The following GPR61 variants were observed in gnomAD, a reference collection of about 807,000 sequenced individuals.
GPR61 encodes G-protein coupled receptor 61.
GPR61 carries 15 observed loss-of-function variants against 29.2 expected under a neutral mutation model. The observed-to-expected ratio is 0.51, with a 90% CI of 0.34 to 0.79. The LOEUF is 0.79. Ranked by LOEUF, GPR61 falls within the 30% of genes least tolerant of loss-of-function variation. The pLI is 0.01. For synonymous variants in GPR61, 238 were observed against 242.3 expected (o/e 0.98, Z 0.17); for missense variants, 399 against 582.5 (o/e 0.69, Z 3.24).
Position 109,545,583 on chromosome 1 carries a change from T to C in GPR61, c.*1205T>C, listed in dbSNP as rs1011711863. On this transcript the variant is annotated 3_prime_UTR_variant, in exon 2 of 2. Coordinates refer to ENST00000527748, the MANE Select transcript of GPR61 (RefSeq NM_001393907.1). ...ACTGTAGGAACTGTGTTGGTTGGTA[T>C]TGGTGGTGGTATTTTCAACAAACAG... 6.6e-6 allele frequency: 1 copy of C among 152,184 alleles called. No homozygotes were observed. Among genetic ancestry groups the C allele is most frequent in the African/African-American group, 2.4e-5 (1 of 41,432 alleles). The allele number at this position is 152,184 out of a possible 1,614,324, so 9.4% of individuals were successfully genotyped here. A position where few individuals can be genotyped will look rare whatever the true frequency, so the allele number is the denominator to read the frequency against.
Position 109,547,053 on chromosome 1 carries a change from G to A in GPR61, c.*2675G>A, listed in dbSNP as rs1321803038. ...TATCCTACGGGGGCATGATAGAAAAGGGTAACTCTGGGGTCAGATAGATGT... is the reference window on the plus strand; with the variant it reads ...TATCCTACGGGGGCATGATAGAAAAAGGTAACTCTGGGGTCAGATAGATGT... On this transcript the variant is annotated 3_prime_UTR_variant, in exon 2 of 2. Transcript: ENST00000527748. The A allele has an allele frequency of 6.6e-6, 1 of 152,196 alleles. No homozygotes were observed. Among genetic ancestry groups the A allele is most frequent in the African/African-American group, 2.4e-5 (1 of 41,440 alleles). 9.4% of individuals were successfully genotyped at this position (152,196 alleles called of 1,614,324 possible).
At position 109,546,756 on chromosome 1, in the gene GPR61, C is replaced by A. The variant is rs976481274; in HGVS notation, c.*2378C>A. 6.6e-6 allele frequency: 1 copy of A among 152,148 alleles called. No individual in the cohort carries two copies. Among genetic ancestry groups the A allele is most frequent in the African/African-American group, 2.4e-5 (1 of 41,430 alleles). 9.4% of individuals were successfully genotyped at this position (152,148 alleles called of 1,614,324 possible). A position where few individuals can be genotyped will look rare whatever the true frequency, so the allele number is the denominator to read the frequency against. On this transcript the variant is annotated 3_prime_UTR_variant, in exon 2 of 2. Coordinates refer to ENST00000527748, the MANE Select transcript of GPR61 (RefSeq NM_001393907.1). Reference sequence around the variant, plus strand: ...TGGATCATGAAGGAAATAAAAATTTCTCTTTTATTATGCTGAGAACTTTCC... The same window carrying A: ...TGGATCATGAAGGAAATAAAAATTTATCTTTTATTATGCTGAGAACTTTCC...
chr1:109,541,125 G>A (rs1647630510), intron 1 of GPR61, among the ~76,000 whole-genome samples: 1 of 152,194 alleles, frequency 6.6e-6, no homozygotes, highest in African/African-American at 2.4e-5. Context: ...TTTCCTGGTA[G>A]ACTCTAATGA....
At chr1:109,542,370 C>T (rs1163560799) in intron 1 of GPR61, 52 bp from the exon 2 acceptor site, 1 of 281,538 alleles carries the variant, frequency 3.6e-6, no homozygotes, top group African/African-American at 2.2e-5. Context: ...ACAAATCACG[C>T]AGGATCCAGA....
Position 109,547,093 on chromosome 1 carries a change from T to C in GPR61, c.*2715T>C, listed in dbSNP as rs1392427355. 6.6e-6 allele frequency: 1 copy of C among 152,226 alleles called. No individual in the cohort carries two copies. Among genetic ancestry groups the C allele is most frequent in the African/African-American group, 2.4e-5 (1 of 41,446 alleles). 9.4% of individuals were successfully genotyped at this position (152,226 alleles called of 1,614,324 possible). ...CAGATAGATGTACTTACTCACTGTGTGAAGTTGGGAAAGCTGCTTAATTTC... is the reference window on the plus strand; with the variant it reads ...CAGATAGATGTACTTACTCACTGTGCGAAGTTGGGAAAGCTGCTTAATTTC... On this transcript the variant is annotated 3_prime_UTR_variant, in exon 2 of 2. Transcript: ENST00000527748.
In GPR61 at chr1:109,543,334, CTT is replaced by C; in HGVS notation, c.314_315del (p.Phe105Ter). The part of the protein sequence containing the change: ...PLAMLSSSAL[F>X]DHALFGEVAC... ...TGGCCATGCTCTCCAGCTCTGCCCT[CTT>C]TGACCACGCCCTCTTTGGGGAGGTG... On this transcript the variant is annotated frameshift_variant, in exon 2 of 2. Transcript: ENST00000527748. LOFTEE classifies it high-confidence loss of function. This position sits in a 1 kb window ranked among gnomAD's most constrained non-coding sequence, Gnocchi z 6.8. 6.2e-7 allele frequency: 1 copy of C among 1,613,856 alleles called. No individual in the cohort carries two copies. Among genetic ancestry groups the C allele is most frequent in the Non-Finnish European group, 8.5e-7 (1 of 1,180,018 alleles).
rs1453142248 is a variant in GPR61, at chr1:109,545,550, T to C, written c.*1172T>C. 6.6e-6 allele frequency: 1 copy of C among 152,264 alleles called. No individual in the cohort carries two copies. Among genetic ancestry groups the C allele is most frequent in the Non-Finnish European group, 1.5e-5 (1 of 68,070 alleles). 9.4% of individuals were successfully genotyped at this position (152,264 alleles called of 1,614,324 possible). Reference sequence around the variant, plus strand: ...ACGGGAGTTGGTCTTGGCTGTTCATTGATTGAGACTGTAGGAACTGTGTTG... The same window carrying C: ...ACGGGAGTTGGTCTTGGCTGTTCATCGATTGAGACTGTAGGAACTGTGTTG... On this transcript the variant is annotated 3_prime_UTR_variant, in exon 2 of 2. Coordinates refer to ENST00000527748, the MANE Select transcript of GPR61 (RefSeq NM_001393907.1).
In GPR61 at chr1:109,544,045, T is replaced by C. The variant is rs762458455; in HGVS notation, c.1023T>C (p.Tyr341=). Residue 341 remains tyrosine, a synonymous_variant, in exon 2 of 2, where the codon TAT becomes TAC. Transcript: ENST00000527748. The surrounding 1 kb of genome is among the most constrained non-coding windows in gnomAD (Gnocchi z 4.6). The part of the protein sequence containing the change: ...YFCFTSNPFF[Y]GCLNRQIRGE... ...GCTTCACTTCCAACCCTTTCTTCTA[T>C]GGATGTCTCAACCGGCAGATCCGGG... 7.4e-6 allele frequency: 12 copies of C among 1,614,246 alleles called. No individual in the cohort carries two copies. The South Asian group carries it at 1.2e-4, about 16-fold the overall frequency.
At position 109,545,750 on chromosome 1, in the gene GPR61, T is replaced by G. The variant is rs1369377328; in HGVS notation, c.*1372T>G. 6.6e-6 allele frequency: 1 copy of G among 152,214 alleles called. No individual in the cohort carries two copies. Among genetic ancestry groups the G allele is most frequent in the Non-Finnish European group, 1.5e-5 (1 of 68,036 alleles). 9.4% of individuals were successfully genotyped at this position (152,214 alleles called of 1,614,324 possible). A position where few individuals can be genotyped will look rare whatever the true frequency, so the allele number is the denominator to read the frequency against. On this transcript the variant is annotated 3_prime_UTR_variant, in exon 2 of 2. Transcript: ENST00000527748. ...CTATTTGAACAAATTCCTGGCTCACTGAGCATCAAAAGGGGAAATGGGCTG... is the reference window on the plus strand; with the variant it reads ...CTATTTGAACAAATTCCTGGCTCACGGAGCATCAAAAGGGGAAATGGGCTG...
In GPR61 at chr1:109,543,895, T is replaced by C; in HGVS notation, c.873T>C (p.Ala291=). 2 of 1,613,740 alleles carry C rather than the reference T, an allele frequency of 1.2e-6. No individual in the cohort carries two copies. The highest frequency in any genetic ancestry group is 1.7e-6 in the Non-Finnish European group (2 of 1,180,022). ...GGGKAAVVLL[A]VGGQFLLCWL... ...GGAAAGCAGCAGTGGTTCTCCTGGC[T>C]GTGGGGGGACAGTTCCTGCTCTGTT... Residue 291 remains alanine (A), a synonymous_variant, in exon 2 of 2, where the codon GCT becomes GCC. Transcript: ENST00000527748. The surrounding 1 kb of genome is among the most constrained non-coding windows in gnomAD (Gnocchi z 6.8).
chr1:109,543,027 A>T lies in GPR61; in HGVS notation c.5A>T (p.Glu2Val). 9 of 1,544,530 alleles carry T rather than the reference A, an allele frequency of 5.8e-6. No homozygotes were observed. The highest frequency in any genetic ancestry group is 7.9e-6 in the Non-Finnish European group (9 of 1,144,162). Residue 2 changes from glutamate to valine, a missense_variant, in exon 2 of 2, where the codon GAG (glutamate) becomes GTG (valine). Coordinates refer to ENST00000527748, the MANE Select transcript of GPR61 (RefSeq NM_001393907.1). This position sits in a 1 kb window ranked among gnomAD's most constrained non-coding sequence, Gnocchi z 6.8. Reference protein sequence around the residue: MESSPIPQSSGN... With the variant: MVSSPIPQSSGN... ...TGGGTGCCCTCTTTCGGCCCCATGG[A>T]GTCCTCACCCATCCCCCAGTCATCA...
chr1:109,544,319 G>A lies in GPR61; in HGVS notation c.1297G>A (p.Asp433Asn), dbSNP rs371734245. ...SEFLEQQLTS[D>N]IIMSDSYLRP... is the part of the protein sequence containing the mutation. ...GTTCCTGGAGCAGCAACTCACCAGC[G>A]ACATCATCATGTCAGACAGCTACCT... The change falls in exon 2 of 2, where the codon GAC becomes AAC. Residue 433 changes from aspartate (D) to asparagine (N), a missense_variant. Coordinates refer to ENST00000527748, the MANE Select transcript of GPR61 (RefSeq NM_001393907.1). This position sits in a 1 kb window ranked among gnomAD's most constrained non-coding sequence, Gnocchi z 4.6. 3.1e-5 allele frequency: 50 copies of A among 1,613,706 alleles called. No individual in the cohort carries two copies. The African/African-American group carries it at 6.0e-4, about 19-fold the overall frequency.
intron 1 of GPR61, among the ~76,000 whole-genome samples, chr1:109,541,048 GATAGGTAAATC>G (rs1647629376): frequency 6.6e-6 from 1 of 152,200 alleles, no homozygotes; most frequent in Admixed American, 6.5e-5. Flanking sequence ...AGACAGAAGG[GATAGGTAAATC>G]AGAGCATGGA....
rs113116974 is a variant in GPR61, at chr1:109,545,555, G to A, written c.*1177G>A. 1 of 152,378 alleles carries A rather than the reference G, an allele frequency of 6.6e-6. No individual in the cohort carries two copies. The highest frequency in any genetic ancestry group is 1.5e-5 in the Non-Finnish European group (1 of 68,058). The allele number at this position is 152,378 out of a possible 1,614,324, so 9.4% of individuals were successfully genotyped here. A position where few individuals can be genotyped will look rare whatever the true frequency, so the allele number is the denominator to read the frequency against. ...AGTTGGTCTTGGCTGTTCATTGATT[G>A]AGACTGTAGGAACTGTGTTGGTTGG... On this transcript the variant is annotated 3_prime_UTR_variant, in exon 2 of 2. Transcript: ENST00000527748.
At position 109,544,606 on chromosome 1, in the gene GPR61, G is replaced by C; in HGVS notation, c.*228G>C. On this transcript the variant is annotated 3_prime_UTR_variant, in exon 2 of 2. Coordinates refer to ENST00000527748, the MANE Select transcript of GPR61 (RefSeq NM_001393907.1). This position sits in a 1 kb window ranked among gnomAD's most constrained non-coding sequence, Gnocchi z 4.6. ...CTGCTAGGGGAGGGAACCTGGGTAT[G>C]GTGAGACGGTGACGAGAGAAAAGGG... is the stretch of plus-strand genomic sequence containing the variant. The C allele has an allele frequency of 1.9e-6, 1 of 528,958 alleles. No individual in the cohort carries two copies. Among genetic ancestry groups the C allele is most frequent in the Non-Finnish European group, 3.4e-6 (1 of 290,596 alleles). The allele number at this position is 528,958 out of a possible 1,614,324, so 32.8% of individuals were successfully genotyped here.
Position 109,543,329 on chromosome 1 carries a change from G to C in GPR61, c.307G>C (p.Ala103Pro). 1 of 1,613,516 alleles carries C rather than the reference G, an allele frequency of 6.2e-7. No homozygotes were observed. The highest frequency in any genetic ancestry group is 8.5e-7 in the Non-Finnish European group (1 of 1,179,978). The change falls in exon 2 of 2, where the codon GCC (alanine) becomes CCC (proline). Residue 103 changes from alanine to proline, a missense_variant. Physicochemically the swap from Ala to Pro is conservative, Grantham distance 27. Coordinates refer to ENST00000527748, the MANE Select transcript of GPR61 (RefSeq NM_001393907.1). The surrounding 1 kb of genome is among the most constrained non-coding windows in gnomAD (Gnocchi z 6.8). ...LMPLAMLSSSALFDHALFGEV... is the reference protein window; with the variant it reads ...LMPLAMLSSSPLFDHALFGEV... ...GCCCCTGGCCATGCTCTCCAGCTCT[G>C]CCCTCTTTGACCACGCCCTCTTTGG...
Position 109,543,132 on chromosome 1 carries a change from G to T in GPR61, c.110G>T (p.Arg37Leu). Residue 37 changes from arginine to leucine, a missense_variant, in exon 2 of 2, where the codon CGG (arginine) becomes CTG (leucine). By Grantham distance (102) the Arg-to-Leu change is moderately radical. Around this residue, in one of 3 missense-constraint regions of GPR61, gnomAD observed 78 missense variants for 101.0 expected, o/e 0.77. Coordinates refer to ENST00000527748, the MANE Select transcript of GPR61 (RefSeq NM_001393907.1). This position sits in a 1 kb window ranked among gnomAD's most constrained non-coding sequence, Gnocchi z 6.8. The part of the protein sequence containing the change: ...TASGVPEVGL[R>L]DVASESVALF... ...AGTGGGGTCCCGGAGGTGGGGCTAC[G>T]GGATGTTGCTTCGGAATCTGTGGCC... 6.3e-7 allele frequency: 1 copy of T among 1,598,402 alleles called. No individual in the cohort carries two copies. Among genetic ancestry groups the T allele is most frequent in the South Asian group, 1.1e-5 (1 of 87,956 alleles).
In GPR61 at chr1:109,543,246, A is replaced by G. The variant is rs1242591302; in HGVS notation, c.224A>G (p.Lys75Arg). ...ATCGCCAAGACGCCTGCCCTCCGAA[A>G]ATTTGTCTTCGTCTTCCACCTCTGC... is the stretch of plus-strand genomic sequence containing the variant. The part of the protein sequence containing the change: ...AVIAKTPALR[K>R]FVFVFHLCLV... Residue 75 changes from lysine to arginine, a missense_variant, in exon 2 of 2, where the codon AAA (lysine) becomes AGA (arginine). Lys to Arg is a conservative substitution (Grantham distance 26). This residue lies in a region of GPR61 where 78 missense variants were observed against 101.0 expected (regional missense o/e 0.77). Coordinates refer to ENST00000527748, the MANE Select transcript of GPR61 (RefSeq NM_001393907.1). This position sits in a 1 kb window ranked among gnomAD's most constrained non-coding sequence, Gnocchi z 6.8. 7.4e-6 allele frequency: 12 copies of G among 1,613,938 alleles called. No homozygotes were observed. The highest frequency in any genetic ancestry group is 9.3e-6 in the Non-Finnish European group (11 of 1,179,980).
In GPR61 at chr1:109,543,863, G is replaced by T. The variant is rs764619304; in HGVS notation, c.841G>T (p.Gly281Trp). Residue 281 changes from glycine to tryptophan, a missense_variant, in exon 2 of 2, where the codon GGG (glycine) becomes TGG (tryptophan). Gly to Trp is a radical substitution (Grantham distance 184, BLOSUM62 -2). Transcript: ENST00000527748. This position sits in a 1 kb window ranked among gnomAD's most constrained non-coding sequence, Gnocchi z 6.8. Reference protein sequence around the residue: ...APQTTPHRTFGGGKAAVVLLA... With the variant: ...APQTTPHRTFWGGKAAVVLLA... ...CCAGACCACCCCACACCGGACGTTT[G>T]GGGGAGGGAAAGCAGCAGTGGTTCT... 2.5e-5 allele frequency: 40 copies of T among 1,612,948 alleles called. No homozygotes were observed. The highest frequency in any genetic ancestry group is 4.5e-5 in the East Asian group (2 of 44,882).
Sources: allele counts gnomAD v4.1 joint callset (sites outside exome capture counted in the v4.1 genomes callset), GRCh38; gene constraint gnomAD v4.1.1; regional missense constraint gnomAD v4.1.1; non-coding constraint Gnocchi (gnomAD v3.1); transcripts MANE v1.5; gene names NCBI Gene and HGNC (gene_info 2026-07-23, HGNC 2026-07-21).